Variants in FLRT1 observed in about 807,000 individuals in gnomAD.
FLRT1 encodes the protein fibronectin leucine rich transmembrane protein 1.
In FLRT1, 14 loss-of-function variants were observed where a neutral mutation model predicts 30.9. The observed-to-expected ratio is 0.45, with a 90% CI of 0.30 to 0.71. The LOEUF is 0.71. Ranked by LOEUF, FLRT1 falls within the 30% of genes least tolerant of loss-of-function variation. FLRT1 has a pLI of 0.08. For missense variants in FLRT1, 737 were observed against 949.2 expected, an observed-to-expected ratio of 0.78 and a Z score of 2.94; for synonymous variants, 368 against 430.4, an observed-to-expected ratio of 0.85 and a Z score of 1.80.
chr11:64,054,503 A>G (rs1590844970), intron 1 of FLRT1, among the ~76,000 whole-genome samples: 2 of 151,836 alleles, frequency 1.3e-5, no homozygotes, highest in African/African-American at 4.8e-5. Flanking sequence ...GGCAGCCCTC[A>G]CCCCTTGCAT....
In FLRT1 at chr11:64,097,745, G is replaced by C. The variant is rs1266561685; in HGVS notation, c.-1037-5449G>C. ...TGCCAAGCCTGGGGGCCCGGAGCGA[G>C]TGGGCAGGGAATGGGGTGGGCCCAT... is the stretch of plus-strand genomic sequence containing the variant. On this transcript the variant is annotated intron_variant, in intron 1 of 2. Transcript: ENST00000682287. Among the ~76,000 whole-genome samples, 4 of 152,282 alleles carry C rather than the reference G, an allele frequency of 2.6e-5. No individual in the cohort carries two copies. In the East Asian group the frequency reaches 7.7e-4, roughly 29 times the overall value.
Position 64,116,471 on chromosome 11 carries a change from C to A in FLRT1, c.204C>A (p.Asn68Lys). 6.2e-7 allele frequency: 1 copy of A among 1,614,098 alleles called. No individual in the cohort carries two copies. Among genetic ancestry groups the A allele is most frequent in the Non-Finnish European group, 8.5e-7 (1 of 1,180,026 alleles). The change falls in exon 3 of 3, where the codon AAC becomes AAA. Residue 68 changes from asparagine (N) to lysine (K), a missense_variant. Asn to Lys is a moderately conservative substitution (Grantham distance 94). Transcript: ENST00000682287. The part of the protein sequence containing the change: ...CRCDNGFIYC[N>K]DRGLTSIPAD... ...GCGACAACGGCTTCATCTACTGCAA[C>A]GACCGGGGACTCACATCCATCCCCG...
intron 2 of FLRT1, among the ~76,000 whole-genome samples, chr11:64,113,909 T>TGGAA (rs1404835083): frequency 2.0e-5 from 3 of 147,070 alleles, no homozygotes. Flanking sequence ...GATGGATGGA[T>TGGAA]GGACAGGTGG....
intron 2 of FLRT1, among the ~76,000 whole-genome samples, chr11:64,109,197 G>A (rs1373792008): frequency 6.6e-6 from 1 of 152,138 alleles, no homozygotes; most frequent in Non-Finnish European, 1.5e-5. Context: ...GGACATGCCT[G>A]TGAATAGAAA....
Position 64,117,168 on chromosome 11 carries a change from C to G in FLRT1, c.901C>G (p.Leu301Val), listed in dbSNP as rs1454899293. 6.2e-7 allele frequency: 1 copy of G among 1,613,930 alleles called. No individual in the cohort carries two copies. Among genetic ancestry groups the G allele is most frequent in the African/African-American group, 1.3e-5 (1 of 74,950 alleles). The change falls in exon 3 of 3, where the codon CTG (leucine) becomes GTG (valine). Residue 301 changes from leucine (L) to valine (V), a missense_variant. Coordinates refer to ENST00000682287, the MANE Select transcript of FLRT1 (RefSeq NM_013280.5). The part of the protein sequence containing the change: ...AKMRELERLD[L>V]SNNNLTTLPR... ...GATGCGTGAGCTGGAGCGGCTGGACCTGTCCAACAACAACCTGACCACGCT... is the reference window on the plus strand; with the variant it reads ...GATGCGTGAGCTGGAGCGGCTGGACGTGTCCAACAACAACCTGACCACGCT...
chr11:64,045,637 A>C (rs1360271746), intron 1 of FLRT1, among the ~76,000 whole-genome samples: 1 of 152,182 alleles, frequency 6.6e-6, no homozygotes, highest in African/African-American at 2.4e-5. Flanking sequence ...CTGAGGGTAC[A>C]GATTGGAGAG....
intron 2 of FLRT1, among the ~76,000 whole-genome samples, chr11:64,110,888 T>C (rs928785620): frequency 6.6e-6 from 1 of 152,092 alleles, no homozygotes; most frequent in African/African-American, 2.4e-5. Context: ...CGTGCTATCT[T>C]CCTCCCCACC....
chr11:64,038,013 G>C (rs1943415401), intron 1 of FLRT1, among the ~76,000 whole-genome samples: 1 of 152,194 alleles, frequency 6.6e-6, no homozygotes, highest in Non-Finnish European at 1.5e-5. Flanking sequence ...AGAGGGTCGG[G>C]GGGTCGGATT....
chr11:64,057,238 C>T (rs1037370031), intron 1 of FLRT1, among the ~76,000 whole-genome samples: 6 of 152,222 alleles, frequency 3.9e-5, no homozygotes, highest in Admixed American at 6.5e-5. Context: ...GGGGGCTGAA[C>T]GTAGGGGACG....
chr11:64,071,647 A>T (rs2134463402), intron 1 of FLRT1, among the ~76,000 whole-genome samples: 1 of 152,082 alleles, frequency 6.6e-6, no homozygotes, highest in African/African-American at 2.4e-5. Flanking sequence ...CTGTTTCCCC[A>T]TTTGTGAAGT....
At chr11:64,072,313 T>C (rs2134465553) in intron 1 of FLRT1, among the ~76,000 whole-genome samples, 1 of 152,062 alleles carries the variant, frequency 6.6e-6, no homozygotes, top group South Asian at 2.1e-4. Context: ...TAGCAGCCTG[T>C]GGCTGCACCA....
intron 1 of FLRT1, among the ~76,000 whole-genome samples, chr11:64,085,415 C>T (rs532242178): frequency 9.9e-5 from 15 of 152,274 alleles, no homozygotes; most frequent in African/African-American, 1.4e-4. Flanking sequence ...GGACGGAGGG[C>T]GGGGGAGACT....
chr11:64,043,796 G>A (rs1239979485), intron 1 of FLRT1, among the ~76,000 whole-genome samples: 2 of 151,364 alleles, frequency 1.3e-5, no homozygotes, highest in East Asian at 1.9e-4. Flanking sequence ...CCAAGGTCAC[G>A]TAGCCAGGAC....
chr11:64,068,898 C>T (rs950804854), intron 1 of FLRT1, among the ~76,000 whole-genome samples: 1 of 152,216 alleles, frequency 6.6e-6, no homozygotes, highest in East Asian at 1.9e-4. Context: ...GGGGACTTGG[C>T]GGGAAATGGG....
Position 64,103,183 on chromosome 11 carries a change from GT to G in FLRT1, c.-1037-6del. On this transcript the variant is annotated splice_polypyrimidine_tract_variant and intron_variant, in intron 1 of 2. Transcript: ENST00000682287. ...GTCTCTGGGCTTAATCACTGGTATT[GT>G]TTTTGGCAGGTGAGGAAGCAGGCAG... 1 of 152,444 alleles carries G rather than the reference GT, an allele frequency of 6.6e-6. No individual in the cohort carries two copies. 9.4% of individuals were successfully genotyped at this position (152,444 alleles called of 1,614,324 possible). A position where few individuals can be genotyped will look rare whatever the true frequency, so the allele number is the denominator to read the frequency against.
chr11:64,091,391 G>A (rs1255196718), intron 1 of FLRT1, among the ~76,000 whole-genome samples: 1 of 151,700 alleles, frequency 6.6e-6, no homozygotes, highest in Non-Finnish European at 1.5e-5. Flanking sequence ...AGGATGCCAG[G>A]TAGGGAGGTT....
In FLRT1 at chr11:64,117,402, T is replaced by C. The variant is rs746172656; in HGVS notation, c.1135T>C (p.Phe379Leu). 1.2e-6 allele frequency: 2 copies of C among 1,612,166 alleles called. No homozygotes were observed. The highest frequency in any genetic ancestry group is 1.7e-6 in the Non-Finnish European group (2 of 1,178,570). ...KDITSEMDEC[F>L]ETGPQGGVAN... Reference sequence around the variant, plus strand: ...CATTACCAGCGAGATGGACGAGTGTTTTGAGACGGGGCCGCAGGGCGGCGT... The same window carrying C: ...CATTACCAGCGAGATGGACGAGTGTCTTGAGACGGGGCCGCAGGGCGGCGT... The change falls in exon 3 of 3, where the codon TTT (phenylalanine) becomes CTT (leucine). Residue 379 changes from phenylalanine to leucine, a missense_variant. Physicochemically the swap from Phe to Leu is conservative, Grantham distance 22. Coordinates refer to ENST00000682287, the MANE Select transcript of FLRT1 (RefSeq NM_013280.5).
intron 1 of FLRT1, among the ~76,000 whole-genome samples, chr11:64,070,537 G>T (rs1944088318): frequency 6.6e-6 from 1 of 152,214 alleles, no homozygotes; most frequent in Non-Finnish European, 1.5e-5. Context: ...CGAGAGCAGA[G>T]CTCGAGAACT....
At position 64,117,361 on chromosome 11, in the gene FLRT1, G is replaced by A; in HGVS notation, c.1094G>A (p.Gly365Asp). 1.9e-6 allele frequency: 3 copies of A among 1,613,518 alleles called. No homozygotes were observed. Among genetic ancestry groups the A allele is most frequent in the Non-Finnish European group, 2.5e-6 (3 of 1,179,586 alleles). The change falls in exon 3 of 3, where the codon GGC becomes GAC. Residue 365 changes from glycine (G) to aspartate (D), a missense_variant. By Grantham distance (94) the Gly-to-Asp change is moderately conservative (BLOSUM62 -1). Transcript: ENST00000682287. ...LMCQGPEKVR[G>D]MAIKDITSEM... ...TGCCAGGGCCCTGAGAAGGTCCGGGGCATGGCCATCAAGGACATTACCAGC... is the reference window on the plus strand; with the variant it reads ...TGCCAGGGCCCTGAGAAGGTCCGGGACATGGCCATCAAGGACATTACCAGC...
Sources: gnomAD v4.1 joint callset for allele counts (sites outside exome capture counted in the v4.1 genomes callset) on GRCh38, gnomAD v4.1.1 for gene constraint, MANE v1.5 for transcripts, NCBI Gene and HGNC (gene_info 2026-07-23, HGNC 2026-07-21) for gene names.